RASGRP2: variants seen among roughly 807,000 people sequenced by gnomAD.
RASGRP2 encodes the protein RAS guanyl releasing protein 2.
RASGRP2 carries 44 observed loss-of-function variants against 71.0 expected under a neutral mutation model. The ratio of observed to expected loss-of-function variants is 0.62; its 90% confidence interval spans 0.49 to 0.80. The LOEUF is 0.80. Among genes scored for constraint, RASGRP2 ranks in the 30% least tolerant of loss-of-function variants. The pLI is 0.00. For synonymous variants in RASGRP2, 350 were observed against 330.7 expected (o/e 1.06, Z -0.63); for missense variants, 663 against 813.4 (o/e 0.82, Z 2.25).
intron 12 of RASGRP2, among the ~76,000 whole-genome samples, chr11:64,734,680 A>G (rs2057873154): frequency 6.6e-6 from 1 of 152,142 alleles, no homozygotes; most frequent in Non-Finnish European, 1.5e-5. Flanking sequence ...TGTTTAACCT[A>G]CTTCAGAGAA....
At chr11:64,740,305 G>A in intron 5 of RASGRP2, 142 bp from the exon 6 acceptor site, 3 of 1,024,260 alleles carry the variant, frequency 2.9e-6, no homozygotes, top group African/African-American at 1.6e-5. Context: ...CCCAGTCCCA[G>A]CAACTCCTCC....
upstream of RASGRP2, chr11:64,744,427 G>T: frequency 2.2e-6 from 1 of 460,748 alleles, no homozygotes; most frequent in Non-Finnish European, 2.9e-6. Context: ...TGGCTCTACC[G>T]CTTCCTCGTG....
chr11:64,743,391 A>G lies in RASGRP2; in HGVS notation c.-71-454T>C, dbSNP rs2058205553. ...GACCTCGGAGGAATTTCTCCCTGGT[A>G]TGGGAGGTGGGGGGAGAGAACCCAG... is the stretch of plus-strand genomic sequence containing the variant. On this transcript the variant is annotated intron_variant, in intron 1 of 16. Coordinates refer to ENST00000394432, the MANE Select transcript of RASGRP2 (RefSeq NM_001098671.2). The surrounding 1 kb of genome is among the most constrained non-coding windows in gnomAD (Gnocchi z 4.9). The G allele has an allele frequency of 2.6e-6, 1 of 379,896 alleles. No homozygotes were observed. Among genetic ancestry groups the G allele is most frequent in the Non-Finnish European group, 5.3e-6 (1 of 190,214 alleles). The allele number at this position is 379,896 out of a possible 1,614,324, so 23.5% of individuals were successfully genotyped here. A position where few individuals can be genotyped will look rare whatever the true frequency, so the allele number is the denominator to read the frequency against.
intron 12 of RASGRP2, among the ~76,000 whole-genome samples, chr11:64,730,685 C>G (rs2057737033): frequency 6.6e-6 from 1 of 152,182 alleles, no homozygotes; most frequent in South Asian, 2.1e-4. Flanking sequence ...CCGCAGAAGC[C>G]CTTTTTCACC....
In RASGRP2 at chr11:64,742,070, A is replaced by C. The variant is rs1355931209; in HGVS notation, c.116T>G (p.Phe39Cys). 9 of 1,610,344 alleles carry C rather than the reference A, an allele frequency of 5.6e-6. No homozygotes were observed. The Admixed American group carries it at 1.5e-4, about 27-fold the overall frequency. Residue 39 changes from phenylalanine (F) to cysteine (C), a missense_variant, in exon 3 of 17, where the codon TTC (phenylalanine) becomes TGC (cysteine). Coordinates refer to ENST00000394432, the MANE Select transcript of RASGRP2 (RefSeq NM_001098671.2). This position sits in a 1 kb window ranked among gnomAD's most constrained non-coding sequence, Gnocchi z 4.7. The stretch of plus-strand genomic sequence containing the variant: ...GATGTACCAGGGGTGCATCATGAGG[A>C]ACATGCGCACCAGCTGCGGGTCCCG... ...KVRDPQLVRMFLMMHPWYIPS... is the reference protein window; with the variant it reads ...KVRDPQLVRMCLMMHPWYIPS...
At position 64,742,781 on chromosome 11, in the gene RASGRP2, C is replaced by T; in HGVS notation, c.73+13G>A. On this transcript the variant is annotated intron_variant, in intron 2 of 16. Coordinates refer to ENST00000394432, the MANE Select transcript of RASGRP2 (RefSeq NM_001098671.2). The surrounding 1 kb of genome is among the most constrained non-coding windows in gnomAD (Gnocchi z 4.7). ...CTAGGCTCAGGCTCCGTGTGCCCTCCCGAGCCACTCACCGAAGGCTTCGAT... is the reference window on the plus strand; with the variant it reads ...CTAGGCTCAGGCTCCGTGTGCCCTCTCGAGCCACTCACCGAAGGCTTCGAT... 6.2e-7 allele frequency: 1 copy of T among 1,600,128 alleles called. No individual in the cohort carries two copies. The highest frequency in any genetic ancestry group is 8.5e-7 in the Non-Finnish European group (1 of 1,174,502).
In RASGRP2 at chr11:64,736,927, G is replaced by A. The variant is rs2057959236; in HGVS notation, c.921C>T (p.His307=). The change falls in exon 9 of 17, where the codon CAC becomes CAT. Residue 307 remains histidine (H), a synonymous_variant. Coordinates refer to ENST00000394432, the MANE Select transcript of RASGRP2 (RefSeq NM_001098671.2). The part of the protein sequence containing the change: ...VGFRFPILGV[H]LKDLVALQLA... ...GCTGCAGGGCCACCAGGTCCTTGAGGTGCACACCCAGGATCGGGAAGCGGA... is the reference window on the plus strand; with the variant it reads ...GCTGCAGGGCCACCAGGTCCTTGAGATGCACACCCAGGATCGGGAAGCGGA... The A allele has an allele frequency of 2.5e-6, 4 of 1,613,944 alleles. No homozygotes were observed. The highest frequency in any genetic ancestry group is 3.4e-6 in the Non-Finnish European group (4 of 1,180,042).
rs1186890935 is a variant in RASGRP2, at chr11:64,743,181, A to G, written c.-71-244T>C. The stretch of plus-strand genomic sequence containing the variant: ...GGGAAGGCCGAGGGGCTTCACGAGG[A>G]TGGGGACGAACCAAGATCCCAGGAC... On this transcript the variant is annotated intron_variant, in intron 1 of 16. Transcript: ENST00000394432. The surrounding 1 kb of genome is among the most constrained non-coding windows in gnomAD (Gnocchi z 4.9). The G allele has an allele frequency of 1.7e-6, 1 of 577,282 alleles. No homozygotes were observed. The highest frequency in any genetic ancestry group is 1.5e-5 in the South Asian group (1 of 65,600). 35.8% of individuals were successfully genotyped at this position (577,282 alleles called of 1,614,324 possible).
At chr11:64,737,175 G>A in intron 8 of RASGRP2, 141 bp from the exon 9 acceptor site, 1 of 972,272 alleles carries the variant, frequency 1.0e-6, no homozygotes. Context: ...CCCCACGACT[G>A]GCTCTCTCAG....
At chr11:64,727,471 C>A in intron 15 of RASGRP2, 111 bp from the exon 16 acceptor site, 2 of 945,692 alleles carry the variant, frequency 2.1e-6, no homozygotes, top group Non-Finnish European at 1.7e-6. Flanking sequence ...GACCCACCCA[C>A]CAAAAATCAA....
At position 64,727,342 on chromosome 11, in the gene RASGRP2, ACCT is replaced by A. The variant is rs750581784; in HGVS notation, c.1787_1789del (p.Glu596del). On this transcript the variant is annotated inframe_deletion, in exon 16 of 17. Transcript: ENST00000394432. ...AAACACCCCATCCTCCACCGTCTGT[ACCT>A]CCTCCTCACGGATCTCTGCTGGGAG... is the stretch of plus-strand genomic sequence containing the variant. The A allele has an allele frequency of 1.4e-5, 23 of 1,613,440 alleles. No homozygotes were observed. The South Asian group carries it at 2.3e-4, about 16-fold the overall frequency.
chr11:64,739,285 C>T lies in RASGRP2; in HGVS notation c.813+75G>A, dbSNP rs1763425034. ...TCTATCAAATGAGGACAGCTGTGCC[C>T]AGCCCCCAGTGCTGCTGGGAGGACC... On this transcript the variant is annotated intron_variant, in intron 8 of 16. Transcript: ENST00000394432. The surrounding 1 kb of genome is among the most constrained non-coding windows in gnomAD (Gnocchi z 4.2). 13 of 1,149,548 alleles carry T rather than the reference C, an allele frequency of 1.1e-5. No homozygotes were observed. The South Asian group carries it at 1.4e-4, about 12-fold the overall frequency. 71.2% of individuals were successfully genotyped at this position (1,149,548 alleles called of 1,614,324 possible).
In RASGRP2 at chr11:64,743,188, C is replaced by A; in HGVS notation, c.-71-251G>T. 1.8e-6 allele frequency: 1 copy of A among 569,182 alleles called. No individual in the cohort carries two copies. Among genetic ancestry groups the A allele is most frequent in the Non-Finnish European group, 3.3e-6 (1 of 300,034 alleles). 35.3% of individuals were successfully genotyped at this position (569,182 alleles called of 1,614,324 possible). A position where few individuals can be genotyped will look rare whatever the true frequency, so the allele number is the denominator to read the frequency against. On this transcript the variant is annotated intron_variant, in intron 1 of 16. Coordinates refer to ENST00000394432, the MANE Select transcript of RASGRP2 (RefSeq NM_001098671.2). The surrounding 1 kb of genome is among the most constrained non-coding windows in gnomAD (Gnocchi z 4.9). ...CCGAGGGGCTTCACGAGGATGGGGA[C>A]GAACCAAGATCCCAGGACTGGCTGG...
chr11:64,742,479 G>C lies in RASGRP2; in HGVS notation c.73+315C>G. 1 of 568,294 alleles carries C rather than the reference G, an allele frequency of 1.8e-6. No individual in the cohort carries two copies. The highest frequency in any genetic ancestry group is 3.0e-5 in the East Asian group (1 of 33,498). 35.2% of individuals were successfully genotyped at this position (568,294 alleles called of 1,614,324 possible). A position where few individuals can be genotyped will look rare whatever the true frequency, so the allele number is the denominator to read the frequency against. ...AGCCGCCCCCCATTAGCCGGAAACA[G>C]CTCCCAGGCCGGAGATAGCGAGTTC... On this transcript the variant is annotated intron_variant, in intron 2 of 16. Coordinates refer to ENST00000394432, the MANE Select transcript of RASGRP2 (RefSeq NM_001098671.2). The surrounding 1 kb of genome is among the most constrained non-coding windows in gnomAD (Gnocchi z 4.7).
Position 64,741,428 on chromosome 11 carries a change from G to A in RASGRP2, c.239+11C>T, listed in dbSNP as rs1389386469. On this transcript the variant is annotated intron_variant, in intron 4 of 16. Transcript: ENST00000394432. ...AAGGGGAGGGGCTAGAGCCCCAGGGGAAAGACTCACCTGACCAGGTGGCAC... is the reference window on the plus strand; with the variant it reads ...AAGGGGAGGGGCTAGAGCCCCAGGGAAAAGACTCACCTGACCAGGTGGCAC... 1.9e-6 allele frequency: 3 copies of A among 1,545,980 alleles called. No individual in the cohort carries two copies. The highest frequency in any genetic ancestry group is 2.4e-5 in the South Asian group (2 of 84,498).
Position 64,730,173 on chromosome 11 carries a change from C to T in RASGRP2, c.1434G>A (p.Glu478=). The T allele has an allele frequency of 1.9e-6, 3 of 1,551,684 alleles. No homozygotes were observed. The highest frequency in any genetic ancestry group is 2.6e-6 in the Non-Finnish European group (3 of 1,147,008). The change falls in exon 13 of 17, where the codon GAG becomes GAA. Residue 478 remains glutamate, a synonymous_variant. Coordinates refer to ENST00000394432, the MANE Select transcript of RASGRP2 (RefSeq NM_001098671.2). ...DQNQDGCISR[E]EMVSYFLRSS... is the part of the protein sequence containing the mutation. Reference sequence around the variant, plus strand: ...AGCGCAGGAAATAGGAAACCATCTCCTCCCTGCTGATGCAGCCATCCCTGT... The same window carrying T: ...AGCGCAGGAAATAGGAAACCATCTCTTCCCTGCTGATGCAGCCATCCCTGT...
At chr11:64,740,848 C>G (rs759823458) in intron 5 of RASGRP2, 100 bp downstream of exon 5, 1 of 1,494,122 alleles carries the variant, frequency 6.7e-7, no homozygotes, top group East Asian at 2.3e-5. Flanking sequence ...AGCGAGAGAG[C>G]AACATGACCC....
rs753693902 is a variant in RASGRP2 at position 64,730,027 on chromosome 11, C to T, written c.1554+26G>A. ...CGGGGCTGGAGGGGCGTGGCTTGGG[C>T]CGTGAGCCGGGAAAGGGACTCTCAC... On this transcript the variant is annotated intron_variant, in intron 13 of 16. Coordinates refer to ENST00000394432, the MANE Select transcript of RASGRP2 (RefSeq NM_001098671.2). 1.0e-5 allele frequency: 16 copies of T among 1,546,720 alleles called. No individual in the cohort carries two copies. In the East Asian group the frequency reaches 2.2e-4, roughly 21 times the overall value.
upstream of RASGRP2, chr11:64,744,426 C>CG (rs2058241279): frequency 2.1e-6 from 1 of 486,134 alleles, no homozygotes; most frequent in Admixed American, 6.4e-5. Flanking sequence ...CTGGCTCTAC[C>CG]GCTTCCTCGT....
Sources: allele counts gnomAD v4.1 joint callset (sites outside exome capture counted in the v4.1 genomes callset), GRCh38; gene constraint gnomAD v4.1.1; non-coding constraint Gnocchi (gnomAD v3.1); transcripts MANE v1.5; gene names NCBI Gene and HGNC (gene_info 2026-07-23, HGNC 2026-07-21).